Variants in ANXA1 observed in about 807,000 individuals in gnomAD.
The protein encoded by ANXA1 is annexin A1, also known as annexin I (lipocortin I).
In ANXA1, 39 loss-of-function variants were observed where a neutral mutation model predicts 47.9. The observed-to-expected ratio is 0.81, with a 90% CI of 0.63 to 1.06. The LOEUF is 1.06. Ranked by LOEUF, ANXA1 falls within the 50% of genes least tolerant of loss-of-function variation. The pLI, the probability that ANXA1 is intolerant of heterozygous loss-of-function variation, is 0.00. For missense variants in ANXA1, 446 were observed against 422.7 expected (o/e 1.06, Z -0.48); for synonymous variants, 146 against 142.5 (o/e 1.02, Z -0.17).
In ANXA1 at chr9:73,169,047, C is replaced by T. The variant is rs867507521; in HGVS notation, c.877C>T (p.His293Tyr). ...HQAMKGVGTR[H>Y]KALIRIMVSR... ...TTTTGGCCAGGGTGTTGGAACTCGC[C>T]ATAAGGCATTGATCAGGATTATGGT... Residue 293 changes from histidine (H) to tyrosine (Y), a missense_variant, in exon 12 of 13, where the codon CAT becomes TAT. Physicochemically the swap from His to Tyr is moderately conservative, Grantham distance 83. Transcript: ENST00000257497. The T allele has an allele frequency of 6.2e-7, 1 of 1,611,926 alleles. No homozygotes were observed. Among genetic ancestry groups the T allele is most frequent in the Admixed American group, 1.7e-5 (1 of 59,592 alleles).
intron 10 of ANXA1, among the ~76,000 whole-genome samples, chr9:73,167,233 C>T (rs905666499): frequency 5.9e-5 from 9 of 152,072 alleles, no homozygotes; most frequent in South Asian, 2.1e-4. Context: ...TGTTGGATAG[C>T]GCAAACTACT....
rs984294069 is a variant in ANXA1 at position 73,167,367 on chromosome 9, G to T, written c.803-130G>T. Reference sequence around the variant, plus strand: ...AGAAGTTAACTGCCCTATATTGGGAGATGAGAGGTGAAGAATGATGATGAG... The same window carrying T: ...AGAAGTTAACTGCCCTATATTGGGATATGAGAGGTGAAGAATGATGATGAG... On this transcript the variant is annotated intron_variant, in intron 10 of 12. Coordinates refer to ENST00000257497, the MANE Select transcript of ANXA1 (RefSeq NM_000700.3). 10 of 733,834 alleles carry T rather than the reference G, an allele frequency of 1.4e-5. No homozygotes were observed. The East Asian group carries it at 2.1e-4, about 15-fold the overall frequency. The allele number at this position is 733,834 out of a possible 1,614,324, so 45.5% of individuals were successfully genotyped here.
Position 73,170,219 on chromosome 9 carries a change from A to G in ANXA1, c.*112A>G, listed in dbSNP as rs774321976. 1.5e-5 allele frequency: 11 copies of G among 716,752 alleles called. No individual in the cohort carries two copies. In the Admixed American group the frequency reaches 3.3e-4, roughly 22 times the overall value. 44.4% of individuals were successfully genotyped at this position (716,752 alleles called of 1,614,324 possible). A position where few individuals can be genotyped will look rare whatever the true frequency, so the allele number is the denominator to read the frequency against. ...ACAGGATTACAGTGTAGCTACCTACATGCTGAAAAATATAGCCTTTAAATC... is the reference window on the plus strand; with the variant it reads ...ACAGGATTACAGTGTAGCTACCTACGTGCTGAAAAATATAGCCTTTAAATC... On this transcript the variant is annotated 3_prime_UTR_variant, in exon 13 of 13. Coordinates refer to ENST00000257497, the MANE Select transcript of ANXA1 (RefSeq NM_000700.3).
Position 73,154,491 on chromosome 9 carries a change from A to G in ANXA1, c.-15+2567A>G, listed in dbSNP as rs1824017649. On this transcript the variant is annotated intron_variant, in intron 1 of 12. Coordinates refer to ENST00000257497, the MANE Select transcript of ANXA1 (RefSeq NM_000700.3). ...TGTTATGTCGCCCAGGATGGAGTGT[A>G]GTGGTACAATCTCGGCTCACTGCAG... is the stretch of plus-strand genomic sequence containing the variant. 1.2e-5 allele frequency: 8 copies of G among 658,972 alleles called. No homozygotes were observed. In the South Asian group the frequency reaches 1.4e-4, roughly 12 times the overall value. 40.8% of individuals were successfully genotyped at this position (658,972 alleles called of 1,614,324 possible).
At chr9:73,159,557 G>A (rs1346357154) in intron 4 of ANXA1, 134 bp downstream of exon 4, 5 of 618,368 alleles carry the variant, frequency 8.1e-6, no homozygotes, top group Non-Finnish European at 1.3e-5. Context: ...TGGGATTGCA[G>A]TGTTTATCCA....
chr9:73,163,625 T>G lies in ANXA1; in HGVS notation c.612+93T>G, dbSNP rs1217441292. The G allele has an allele frequency of 3.1e-6, 4 of 1,292,420 alleles. 1 individual carries two copies. The Admixed American group carries it at 5.4e-5, about 17-fold the overall frequency. 80.1% of individuals were successfully genotyped at this position (1,292,420 alleles called of 1,614,324 possible). A position where few individuals can be genotyped will look rare whatever the true frequency, so the allele number is the denominator to read the frequency against. ...CCCCTGTGAAAGCAAATCTAAGATC[T>G]TCTGAGAGACCAATGGCTTCTTAAT... is the stretch of plus-strand genomic sequence containing the variant. On this transcript the variant is annotated intron_variant, in intron 8 of 12. Coordinates refer to ENST00000257497, the MANE Select transcript of ANXA1 (RefSeq NM_000700.3).
intron 4 of ANXA1, 72 bp downstream of exon 4, chr9:73,159,495 GT>G: frequency 7.6e-7 from 1 of 1,316,900 alleles, no homozygotes; most frequent in Non-Finnish European, 1.1e-6. Context: ...CGGAAGCACA[GT>G]TACCTAGTTC....
chr9:73,160,105 A>C (rs983465606), intron 4 of ANXA1, among the ~76,000 whole-genome samples, 158 bp from the exon 5 acceptor site: 1 of 152,156 alleles, frequency 6.6e-6, no homozygotes, highest in Admixed American at 6.6e-5. Context: ...ATAATGTTTC[A>C]AAATATTTGG....
At chr9:73,161,742 T>C (rs184871216) in intron 6 of ANXA1, among the ~76,000 whole-genome samples, 39 of 152,298 alleles carry the variant, frequency 2.6e-4, no homozygotes, top group African/African-American at 8.9e-4. Flanking sequence ...TACCAATGTT[T>C]ATGTTAGATC....
intron 1 of ANXA1, among the ~76,000 whole-genome samples, chr9:73,152,909 C>G (rs1823994047): frequency 6.6e-6 from 1 of 152,014 alleles, no homozygotes; most frequent in Admixed American, 6.6e-5. Flanking sequence ...TTCTTATGTT[C>G]ACTGCTAGCT....
intron 1 of ANXA1, 185 bp from the exon 2 acceptor site, chr9:73,158,337 T>C (rs568576668): frequency 4.5e-4 from 245 of 542,906 alleles, no homozygotes; most frequent in Non-Finnish European, 6.6e-4. Context: ...TCATTTTAAG[T>C]ATAAAAGCTT....
At chr9:73,161,994 G>A (rs935956186) in intron 6 of ANXA1, among the ~76,000 whole-genome samples, 14 of 152,220 alleles carry the variant, frequency 9.2e-5, no homozygotes, top group African/African-American at 3.1e-4. Context: ...TTTGATGAGG[G>A]CCTCATACTA....
chr9:73,157,358 T>C (rs79062304), intron 1 of ANXA1, among the ~76,000 whole-genome samples: 2,262 of 152,184 alleles, frequency 0.015, 24 homozygotes, highest in Non-Finnish European at 0.024. Context: ...TTTTACCTTA[T>C]AAATGTAATC....
intron 3 of ANXA1, 81 bp downstream of exon 3, chr9:73,158,884 C>T (rs1294985730): frequency 9.2e-7 from 1 of 1,081,902 alleles, no homozygotes; most frequent in East Asian, 2.4e-5. Flanking sequence ...CAGACATGTG[C>T]AATGGAAAGA....
chr9:73,163,492 A>C lies in ANXA1; in HGVS notation c.572A>C (p.Asp191Ala). Residue 191 changes from aspartate to alanine, a missense_variant, in exon 8 of 13, where the codon GAC becomes GCC. Asp to Ala is a moderately radical substitution (Grantham distance 126, BLOSUM62 -2). Coordinates refer to ENST00000257497, the MANE Select transcript of ANXA1 (RefSeq NM_000700.3). ...LSLAKGDRSEDFGVNEDLADS... is the reference protein window; with the variant it reads ...LSLAKGDRSEAFGVNEDLADS... ...TTCTTTCAGGGTGACCGATCTGAGG[A>C]CTTTGGTGTGAATGAAGACTTGGCT... 6.2e-7 allele frequency: 1 copy of C among 1,612,998 alleles called. No individual in the cohort carries two copies. The highest frequency in any genetic ancestry group is 8.5e-7 in the Non-Finnish European group (1 of 1,179,204).
rs767043877 is a variant in ANXA1 at position 73,160,234 on chromosome 9, A to T, written c.271-29A>T. 20 of 1,465,924 alleles carry T rather than the reference A, an allele frequency of 1.4e-5. No homozygotes were observed. In the South Asian group the frequency reaches 1.9e-4, roughly 14 times the overall value. The allele number at this position is 1,465,924 out of a possible 1,614,324, so 90.8% of individuals were successfully genotyped here. On this transcript the variant is annotated intron_variant, in intron 4 of 12. Coordinates refer to ENST00000257497, the MANE Select transcript of ANXA1 (RefSeq NM_000700.3). ...TTAACCTAGCATGTTACTTATTGGA[A>T]GTCCTGATTCTAATCTTTTTTTTTG...
At chr9:73,161,929 A>G (rs1428399325) in intron 6 of ANXA1, among the ~76,000 whole-genome samples, 5 of 152,140 alleles carry the variant, frequency 3.3e-5, no homozygotes, top group Non-Finnish European at 7.4e-5. Flanking sequence ...TCTGAGACCA[A>G]GTAATGTAAA....
At chr9:73,159,111 A>G (rs1373315189) in intron 3 of ANXA1, among the ~76,000 whole-genome samples, 1 of 152,226 alleles carries the variant, frequency 6.6e-6, no homozygotes, top group Non-Finnish European at 1.5e-5. Context: ...GAGGGCCAGG[A>G]AAAGTTAATT....
At position 73,169,094 on chromosome 9, in the gene ANXA1, G is replaced by A. The variant is rs751774481; in HGVS notation, c.924G>A (p.Met308Ile). 1.2e-6 allele frequency: 2 copies of A among 1,613,454 alleles called. No individual in the cohort carries two copies. Among genetic ancestry groups the A allele is most frequent in the African/African-American group, 1.3e-5 (1 of 75,018 alleles). ...RIMVSRSEID[M>I]NDIKAFYQKM... ...TGGTTTCCCGTTCTGAAATTGACAT[G>A]AATGATATCAAAGCATTCTATCAGA... is the stretch of plus-strand genomic sequence containing the variant. The change falls in exon 12 of 13, where the codon ATG (methionine) becomes ATA (isoleucine). Residue 308 changes from methionine to isoleucine, a missense_variant. Met to Ile is a conservative substitution (Grantham distance 10, BLOSUM62 1). Transcript: ENST00000257497.
Sources: gnomAD v4.1 joint callset for allele counts (sites outside exome capture counted in the v4.1 genomes callset) on GRCh38, gnomAD v4.1.1 for gene constraint, MANE v1.5 for transcripts, NCBI Gene and HGNC (gene_info 2026-07-23, HGNC 2026-07-21) for gene names.